LRRC8C: variants seen among roughly 807,000 people sequenced by gnomAD.
LRRC8C encodes volume-regulated anion channel subunit LRRC8C.
A neutral mutation model predicts 55.3 loss-of-function variants in LRRC8C; 20 were observed. The observed-to-expected ratio is 0.36, with a 90% CI of 0.25 to 0.53. The LOEUF (loss-of-function observed/expected upper bound fraction) is 0.53. Ranked by LOEUF, LRRC8C falls within the 20% of genes least tolerant of loss-of-function variation. The probability of loss-of-function intolerance (pLI) is 0.92; values close to 1 mark genes in which losing one functional copy is unlikely to be tolerated. For synonymous variants in LRRC8C, 376 were observed against 360.7 expected (o/e 1.04, Z -0.48); for missense variants, 659 against 951.4 (o/e 0.69, Z 4.04).
intron 2 of LRRC8C, among the ~76,000 whole-genome samples, chr1:89,687,626 A>C (rs1657916964): frequency 6.6e-6 from 1 of 152,230 alleles, no homozygotes; most frequent in African/African-American, 2.4e-5. Flanking sequence ...GGCAGCCATA[A>C]GGACAGATGA....
chr1:89,700,322 C>T (rs2101324917), intron 2 of LRRC8C, among the ~76,000 whole-genome samples: 1 of 152,272 alleles, frequency 6.6e-6, no homozygotes, highest in African/African-American at 2.4e-5. Flanking sequence ...GTAGATATTG[C>T]CATATTTGTG....
At chr1:89,692,586 A>G (rs1658054972) in intron 2 of LRRC8C, among the ~76,000 whole-genome samples, 1 of 152,224 alleles carries the variant, frequency 6.6e-6, no homozygotes, top group Non-Finnish European at 1.5e-5. Context: ...ACAAATATTT[A>G]TTCATTTCTG....
In LRRC8C at chr1:89,719,204, A is replaced by C. The variant is rs895356346; in HGVS notation, c.*4222A>C. 1.3e-5 allele frequency: 2 copies of C among 152,200 alleles called. No individual in the cohort carries two copies. The highest frequency in any genetic ancestry group is 2.9e-5 in the Non-Finnish European group (2 of 68,032). 9.4% of individuals were successfully genotyped at this position (152,200 alleles called of 1,614,324 possible). A position where few individuals can be genotyped will look rare whatever the true frequency, so the allele number is the denominator to read the frequency against. On this transcript the variant is annotated 3_prime_UTR_variant, in exon 3 of 3. Transcript: ENST00000370454. ...AAACTTAATTTCTTGGCTGTGTTTG[A>C]TAACAGTTCCTATGCATGGTTTTTA... is the stretch of plus-strand genomic sequence containing the variant.
chr1:89,707,389 AG>A (rs1658513671), intron 2 of LRRC8C, among the ~76,000 whole-genome samples: 1 of 151,908 alleles, frequency 6.6e-6, no homozygotes, highest in Non-Finnish European at 1.5e-5. Context: ...CCTGGACAAC[AG>A]AGCAAGACTC....
the LRRC8C span, among the ~76,000 whole-genome samples, chr1:89,616,715 A>G: frequency 6.6e-6 from 1 of 152,168 alleles, no homozygotes; most frequent in African/African-American, 2.4e-5. Flanking sequence ...AGGCTCATAG[A>G]TGGAAACTAG....
chr1:89,681,905 C>T (rs12064833), intron 1 of LRRC8C, among the ~76,000 whole-genome samples: 4,446 of 152,222 alleles, frequency 0.029, 224 homozygotes, highest in African/African-American at 0.1. Context: ...AATTTAAATG[C>T]GGCTGGGCAC....
At chr1:89,694,755 T>C (rs978780734) in intron 2 of LRRC8C, among the ~76,000 whole-genome samples, 1 of 151,568 alleles carries the variant, frequency 6.6e-6, no homozygotes, top group Non-Finnish European at 1.5e-5. Context: ...ACCCAGCTAA[T>C]TTTTGTATTT....
chr1:89,680,190 G>T (rs1286872695), intron 1 of LRRC8C, among the ~76,000 whole-genome samples: 1 of 151,244 alleles, frequency 6.6e-6, no homozygotes, highest in Non-Finnish European at 1.5e-5. Context: ...CCATTCTCCT[G>T]TCTCAGCCTC....
At chr1:89,653,477 T>TTTAGTATTC (rs1656849177) in intron 1 of LRRC8C, among the ~76,000 whole-genome samples, 1 of 152,210 alleles carries the variant, frequency 6.6e-6, no homozygotes, top group South Asian at 2.1e-4. Flanking sequence ...GCCAATAATG[T>TTTAGTATTC]TTAGTATTCT....
At chr1:89,677,945 T>G (rs1657594700) in intron 1 of LRRC8C, among the ~76,000 whole-genome samples, 1 of 152,236 alleles carries the variant, frequency 6.6e-6, no homozygotes, top group South Asian at 2.1e-4. Context: ...TATTTCCATC[T>G]TTTCACTGCC....
intron 1 of LRRC8C, among the ~76,000 whole-genome samples, chr1:89,650,637 G>C (rs1332609635): frequency 2.6e-5 from 4 of 152,132 alleles, no homozygotes; most frequent in Non-Finnish European, 4.4e-5. Context: ...ATGTACACTT[G>C]CTTATCCTAA....
In LRRC8C at chr1:89,714,721, A is replaced by G. The variant is rs1236767392; in HGVS notation, c.2151A>G (p.Lys717=). ...AGTATTTTTCCATCACATGTAACAA[A>G]GTGGAAAGCCTTCCAGATGAACTCT... ...SLQYFSITCN[K]VESLPDELYF... The change falls in exon 3 of 3, where the codon AAA becomes AAG. Residue 717 remains lysine (K), a synonymous_variant. Transcript: ENST00000370454. The surrounding 1 kb of genome is among the most constrained non-coding windows in gnomAD (Gnocchi z 4.6). 21 of 1,614,014 alleles carry G rather than the reference A, an allele frequency of 1.3e-5. No individual in the cohort carries two copies. The highest frequency in any genetic ancestry group is 2.7e-5 in the African/African-American group (2 of 74,932).
chr1:89,667,418 T>G (rs894068636), intron 1 of LRRC8C, among the ~76,000 whole-genome samples: 3 of 152,154 alleles, frequency 2.0e-5, no homozygotes, highest in Non-Finnish European at 4.4e-5. Flanking sequence ...GCAACTCCAT[T>G]ATTTCAGCTT....
At chr1:89,637,537 C>A (rs932159248) in intron 1 of LRRC8C, among the ~76,000 whole-genome samples, 9 of 151,554 alleles carry the variant, frequency 5.9e-5, no homozygotes. Context: ...ACTATAATAC[C>A]TTATGACTGA....
intron 1 of LRRC8C, among the ~76,000 whole-genome samples, chr1:89,671,808 C>G (rs1400806721): frequency 6.6e-6 from 1 of 152,202 alleles, no homozygotes; most frequent in African/African-American, 2.4e-5. Context: ...CTCCATTTAA[C>G]AGCCACATGC....
At chr1:89,679,922 A>T (rs1657650546) in intron 1 of LRRC8C, among the ~76,000 whole-genome samples, 1 of 152,214 alleles carries the variant, frequency 6.6e-6, no homozygotes, top group Non-Finnish European at 1.5e-5. Flanking sequence ...TCTTTAGGTC[A>T]TGGATTGATA....
intron 2 of LRRC8C, among the ~76,000 whole-genome samples, chr1:89,704,635 CT>C (rs1487970208): frequency 6.6e-6 from 1 of 152,114 alleles, no homozygotes; most frequent in Non-Finnish European, 1.5e-5. Flanking sequence ...AGGACTCTAC[CT>C]TCTGTGTTAA....
intron 1 of LRRC8C, among the ~76,000 whole-genome samples, chr1:89,652,658 C>T (rs1470145220): frequency 6.6e-6 from 1 of 152,078 alleles, no homozygotes; most frequent in Non-Finnish European, 1.5e-5. Flanking sequence ...AAAAGAGGAC[C>T]ACACTGGGTG....
At chr1:89,697,576 A>G (rs1228339691) in intron 2 of LRRC8C, among the ~76,000 whole-genome samples, 1 of 152,240 alleles carries the variant, frequency 6.6e-6, no homozygotes, top group Non-Finnish European at 1.5e-5. Flanking sequence ...ACCGAAACAA[A>G]TAGTCTGTTA....
Sources: gnomAD v4.1 joint callset for allele counts (sites outside exome capture counted in the v4.1 genomes callset) on GRCh38, gnomAD v4.1.1 for gene constraint, Gnocchi (gnomAD v3.1) non-coding constraint, MANE v1.5 for transcripts, NCBI Gene and HGNC (gene_info 2026-07-23, HGNC 2026-07-21) for gene names.